NFIC: variants seen among roughly 807,000 people sequenced by gnomAD.
The protein encoded by NFIC is nuclear factor 1 C-type.
NFIC carries 12 observed loss-of-function variants against 54.4 expected under a neutral mutation model. The observed-to-expected ratio is 0.22, with a 90% CI of 0.14 to 0.36. The LOEUF is 0.36. Ranked by LOEUF, NFIC falls within the 10% of genes least tolerant of loss-of-function variation. NFIC has a pLI of 1.00. For synonymous variants in NFIC, 322 were observed against 319.2 expected, an observed-to-expected ratio of 1.01 and a Z score of -0.09; for missense variants, 575 against 718.2, an observed-to-expected ratio of 0.80 and a Z score of 2.28.
At chr19:3,419,947 C>T (rs1301017231) in intron 2 of NFIC, among the ~76,000 whole-genome samples, 2 of 152,114 alleles carry the variant, frequency 1.3e-5, no homozygotes, top group Non-Finnish European at 2.9e-5. Context: ...ATGTTTTCTC[C>T]CGAGATCAGG....
At chr19:3,454,838 G>T (rs1041907926) in intron 9 of NFIC, among the ~76,000 whole-genome samples, 1 of 151,184 alleles carries the variant, frequency 6.6e-6, no homozygotes, top group East Asian at 2.0e-4. Flanking sequence ...TCCCTGCCCC[G>T]GCGTTCCTGT....
intron 7 of NFIC, 94 bp downstream of exon 7, chr19:3,449,233 G>C: frequency 6.7e-7 from 1 of 1,497,820 alleles, no homozygotes; most frequent in Non-Finnish European, 8.9e-7. Context: ...CTGACCATGA[G>C]TCCTATTGCT....
At chr19:3,380,177 T>A (rs1054325611) in intron 1 of NFIC, among the ~76,000 whole-genome samples, 19 of 149,594 alleles carry the variant, frequency 1.3e-4, no homozygotes, top group Non-Finnish European at 2.2e-4. Flanking sequence ...ATTTTTTTGT[T>A]TTTTTTTCAG....
chr19:3,453,108 G>T lies in NFIC; in HGVS notation c.1269+442G>T, dbSNP rs574514950. Among the ~76,000 whole-genome samples, 62 of 152,256 alleles carry T rather than the reference G, an allele frequency of 4.1e-4. No homozygotes were observed. Among genetic ancestry groups the T allele is most frequent in the African/African-American group, 1.3e-3 (56 of 41,540 alleles). ...TTAAAAATGAGCCACGCATGGTGGC[G>T]GGCGCCTGTAGTCCCAGCTACTCAG... is the stretch of plus-strand genomic sequence containing the variant. On this transcript the variant is annotated intron_variant, in intron 8 of 10. Coordinates refer to ENST00000443272, the MANE Select transcript of NFIC (RefSeq NM_001245002.2). The surrounding 1 kb of genome is among the most constrained non-coding windows in gnomAD (Gnocchi z 6.7).
intron 3 of NFIC, among the ~76,000 whole-genome samples, chr19:3,429,678 G>GC (rs1158637095): frequency 1.3e-5 from 2 of 152,116 alleles, no homozygotes; most frequent in Non-Finnish European, 2.9e-5. Flanking sequence ...AGTCCGTGCT[G>GC]CCCCCTGGGG....
intron 9 of NFIC, 104 bp downstream of exon 9, chr19:3,454,020 G>A: frequency 7.2e-7 from 1 of 1,390,206 alleles, no homozygotes; most frequent in Non-Finnish European, 9.3e-7. Flanking sequence ...CGACCCTGCA[G>A]GGCCTGGCGA....
At chr19:3,388,108 C>G (rs548849837) in intron 2 of NFIC, among the ~76,000 whole-genome samples, 2 of 152,312 alleles carry the variant, frequency 1.3e-5, no homozygotes, top group Admixed American at 6.5e-5. Context: ...CTGTTCCCGC[C>G]TTGCGTCGTG....
intron 2 of NFIC, among the ~76,000 whole-genome samples, chr19:3,405,912 T>TTC (rs34234749): frequency 0.12 from 18,439 of 151,564 alleles, 1,395 homozygotes; most frequent in African/African-American, 0.2. Context: ...CCCTTTTTCT[T>TTC]TTTCTTTCTT....
intron 2 of NFIC, among the ~76,000 whole-genome samples, chr19:3,407,350 T>C (rs930850994): frequency 1.3e-5 from 2 of 152,046 alleles, no homozygotes; most frequent in Non-Finnish European, 2.9e-5. Context: ...CCTGACCTCG[T>C]GATCCACCCG....
intron 6 of NFIC, among the ~76,000 whole-genome samples, chr19:3,435,521 C>G (rs1051181181): frequency 6.6e-6 from 1 of 152,222 alleles, no homozygotes; most frequent in Non-Finnish European, 1.5e-5. Context: ...TCAGTAGTGA[C>G]TCTGATCAAC....
In NFIC at chr19:3,467,172, C is replaced by G. The variant is rs1413556815; in HGVS notation, c.*4403C>G. ...TTGTTCCACCCCCCTCTGGAAGCCC[C>G]CATCACCCACCCCTGCTATGGACAC... On this transcript the variant is annotated 3_prime_UTR_variant, in exon 11 of 11. Transcript: ENST00000443272. 1 of 149,310 alleles carries G rather than the reference C, an allele frequency of 6.7e-6. No individual in the cohort carries two copies. Among genetic ancestry groups the G allele is most frequent in the African/African-American group, 2.5e-5 (1 of 40,076 alleles). 9.2% of individuals were successfully genotyped at this position (149,310 alleles called of 1,614,324 possible). A position where few individuals can be genotyped will look rare whatever the true frequency, so the allele number is the denominator to read the frequency against.
upstream of NFIC, among the ~76,000 whole-genome samples, chr19:3,363,986 A>G: frequency 6.6e-6 from 1 of 152,210 alleles, no homozygotes; most frequent in East Asian, 1.9e-4. Context: ...TCAGCTGCAT[A>G]GTGTCCCAGC....
chr19:3,463,619 G>GCCCCC lies in NFIC; in HGVS notation c.*850_*851insCCCCC. On this transcript the variant is annotated 3_prime_UTR_variant, in exon 11 of 11. Transcript: ENST00000443272. The stretch of plus-strand genomic sequence containing the variant: ...GAGAAGTCTCTATGCAATTGGCCCC[G>GCCCCC]GCCCCTCCACCCCCCACCCCCGGCA... 6.5e-6 allele frequency: 2 copies of GCCCCC among 305,646 alleles called. No homozygotes were observed. The highest frequency in any genetic ancestry group is 8.3e-6 in the Non-Finnish European group (2 of 240,378). The allele number at this position is 305,646 out of a possible 1,614,324, so 18.9% of individuals were successfully genotyped here.
chr19:3,387,835 T>C lies in NFIC; in HGVS notation c.562+5592T>C, dbSNP rs550617698. Among the ~76,000 whole-genome samples, 6 of 150,882 alleles carry C rather than the reference T, an allele frequency of 4.0e-5. No homozygotes were observed. In the South Asian group the frequency reaches 1.3e-3, roughly 32 times the overall value. On this transcript the variant is annotated intron_variant, in intron 2 of 10. Transcript: ENST00000443272. ...GGGCGGGAGAGGGTGACCCGGGTGC[T>C]CTCCGACCTGCCACGTGCTGGGGAA...
chr19:3,362,709 C>T (rs1177215153), upstream of NFIC, among the ~76,000 whole-genome samples: 1 of 152,030 alleles, frequency 6.6e-6, no homozygotes, highest in Non-Finnish European at 1.5e-5. Flanking sequence ...CTTCTTACAG[C>T]CTCAGTTTCT....
At position 3,369,740 on chromosome 19, in the gene NFIC, C is replaced by CCT. The variant is rs2080965409; in HGVS notation, c.30+3076_30+3077dup. Among the ~76,000 whole-genome samples, 2 of 152,216 alleles carry CCT rather than the reference C, an allele frequency of 1.3e-5. No individual in the cohort carries two copies. The highest frequency in any genetic ancestry group is 2.9e-5 in the Non-Finnish European group (2 of 68,016). On this transcript the variant is annotated intron_variant, in intron 1 of 10. Coordinates refer to ENST00000443272, the MANE Select transcript of NFIC (RefSeq NM_001245002.2). The surrounding 1 kb of genome is among the most constrained non-coding windows in gnomAD (Gnocchi z 4.3). ...CCGGCCTCCCCGCGCCTGCTCTGGGCCTCCCTCCCTGCCTCCCTCCCGCTG... is the reference window on the plus strand; with the variant it reads ...CCGGCCTCCCCGCGCCTGCTCTGGGCCTCTCCCTCCCTGCCTCCCTCCCGCTG...
intron 2 of NFIC, among the ~76,000 whole-genome samples, chr19:3,403,584 G>A (rs2081590628): frequency 6.6e-6 from 1 of 152,150 alleles, no homozygotes; most frequent in African/African-American, 2.4e-5. Flanking sequence ...GTTTTTTCTT[G>A]GAGGCCCAGA....
intron 2 of NFIC, among the ~76,000 whole-genome samples, chr19:3,398,883 C>T (rs772811506): frequency 7.2e-5 from 11 of 152,238 alleles, no homozygotes; most frequent in Non-Finnish European, 1.5e-4. Context: ...GGCACTGGTG[C>T]GAATTCATAG....
chr19:3,437,672 CG>C (rs1692254266), intron 6 of NFIC, among the ~76,000 whole-genome samples: 1 of 144,932 alleles, frequency 6.9e-6, no homozygotes, highest in African/African-American at 2.5e-5. Flanking sequence ...ACTTCTGTTT[CG>C]TTTTTTTTGT....
Sources: allele counts gnomAD v4.1 joint callset (sites outside exome capture counted in the v4.1 genomes callset), GRCh38; gene constraint gnomAD v4.1.1; non-coding constraint Gnocchi (gnomAD v3.1); transcripts MANE v1.5; gene names NCBI Gene and HGNC (gene_info 2026-07-23, HGNC 2026-07-21).